The following TMCO6 variants were observed in gnomAD, a reference collection of about 807,000 sequenced individuals.
TMCO6 encodes transmembrane and coiled-coil domains 6.
Under a neutral mutation model 61.8 loss-of-function variants are expected in TMCO6, and 47 were observed. That is an observed-to-expected ratio of 0.76 (90% CI 0.60 to 0.97). TMCO6 has a LOEUF of 0.97. Ranked by LOEUF, TMCO6 falls within the 50% of genes least tolerant of loss-of-function variation. TMCO6 has a pLI of 0.00. For missense variants in TMCO6, 557 were observed against 601.6 expected (o/e 0.93, Z 0.78); for synonymous variants, 261 against 254.2 (o/e 1.03, Z -0.25).
upstream of TMCO6, among the ~76,000 whole-genome samples, chr5:140,636,590 C>G (rs1458847048): frequency 6.6e-6 from 1 of 151,854 alleles, no homozygotes; most frequent in Non-Finnish European, 1.5e-5. Flanking sequence ...AGGAAGGGCT[C>G]AAGATCCAGG....
At chr5:140,615,306 A>T in the TMCO6 span, among the ~76,000 whole-genome samples, 1 of 152,252 alleles carries the variant, frequency 6.6e-6, no homozygotes, top group Admixed American at 6.5e-5. Flanking sequence ...AGATACAAAT[A>T]AACAGAAAGT....
At chr5:140,624,273 G>T in the TMCO6 span, among the ~76,000 whole-genome samples, 1 of 152,074 alleles carries the variant, frequency 6.6e-6, no homozygotes, top group African/African-American at 2.4e-5. Context: ...GCTGAAGCAG[G>T]AGAATCACTT....
At chr5:140,647,562 GACT>G (rs769452041), downstream of TMCO6, 15 of 1,611,068 alleles carry the variant, frequency 9.3e-6, no homozygotes, top group East Asian at 2.5e-4. Flanking sequence ...CCGACTCCTC[GACT>G]TGCTGCGGCC....
intron 1 of TMCO6, 56 bp downstream of exon 1, chr5:140,639,668 C>T: frequency 1.9e-6 from 3 of 1,543,342 alleles, no homozygotes; most frequent in African/African-American, 1.4e-5. Flanking sequence ...AAGTTGAGAC[C>T]CCAGGCTCGG....
the TMCO6 span, among the ~76,000 whole-genome samples, chr5:140,601,375 G>A: frequency 3.3e-5 from 5 of 152,080 alleles, no homozygotes; most frequent in East Asian, 3.9e-4. Context: ...TTTGGTTATG[G>A]GACTATTGCC....
the TMCO6 span, chr5:140,632,729 C>T: frequency 1.9e-6 from 3 of 1,613,642 alleles, no homozygotes; most frequent in African/African-American, 2.7e-5. This position sits in a 1 kb window ranked among gnomAD's most constrained non-coding sequence, Gnocchi z 6.2. Context: ...GAGCCTTGAC[C>T]GTGTCAGCAT....
the TMCO6 span, among the ~76,000 whole-genome samples, chr5:140,618,716 T>C: frequency 6.6e-6 from 1 of 152,184 alleles, no homozygotes; most frequent in Admixed American, 6.5e-5. Flanking sequence ...TCTTATCATT[T>C]AGCTCCCAGA....
the TMCO6 span, chr5:140,632,138 A>C: frequency 2.5e-6 from 4 of 1,614,088 alleles, no homozygotes; most frequent in Non-Finnish European, 3.4e-6. The surrounding 1 kb of genome is among the most constrained non-coding windows in gnomAD (Gnocchi z 6.2). Flanking sequence ...CGAACGACAG[A>C]TTGAGGGAGT....
chr5:140,606,247 C>A, the TMCO6 span, among the ~76,000 whole-genome samples: 5 of 151,144 alleles, frequency 3.3e-5, no homozygotes, highest in Non-Finnish European at 5.9e-5. Context: ...CTCCTGGGCT[C>A]AAGCACTCCT....
At chr5:140,618,497 T>C in the TMCO6 span, among the ~76,000 whole-genome samples, 1 of 152,258 alleles carries the variant, frequency 6.6e-6, no homozygotes, top group Middle Eastern at 3.4e-3. Context: ...TTTCTTTTTT[T>C]TTTAACTTTT....
downstream of TMCO6, among the ~76,000 whole-genome samples, chr5:140,646,748 A>T (rs554199915): frequency 1.2e-3 from 188 of 152,350 alleles, no homozygotes; most frequent in African/African-American, 4.4e-3. Context: ...AGCTGCATCT[A>T]AAGTTGCAGC....
At chr5:140,609,321 C>CA in the TMCO6 span, 1 of 228,370 alleles carries the variant, frequency 4.4e-6, no homozygotes, top group Non-Finnish European at 9.2e-6. Context: ...AGGGTGGGGA[C>CA]ACACATCTGT....
At chr5:140,606,989 TAA>T in the TMCO6 span, among the ~76,000 whole-genome samples, 1,301 of 133,620 alleles carry the variant, frequency 9.7e-3, 20 homozygotes, top group African/African-American at 0.034. Flanking sequence ...GTTTAAAAAG[TAA>T]AAAAAAAAAA....
chr5:140,618,240 A>T, the TMCO6 span, among the ~76,000 whole-genome samples: 1 of 151,624 alleles, frequency 6.6e-6, no homozygotes, highest in South Asian at 2.1e-4. Context: ...AACCAGCCTG[A>T]CCAACATGGC....
Position 140,642,507 on chromosome 5 carries a change from C to T in TMCO6, c.604-79C>T, listed in dbSNP as rs979575302. ...TTTGGTTAGGTAGCTCCAGCCTCTG[C>T]CCTGTGCCAAGGGGCTGAAAGTCTC... On this transcript the variant is annotated intron_variant, in intron 5 of 11. Transcript: ENST00000394671. 5.6e-6 allele frequency: 9 copies of T among 1,599,328 alleles called. No individual in the cohort carries two copies. The African/African-American group carries it at 6.7e-5, about 12-fold the overall frequency.
At chr5:140,609,684 T>C in the TMCO6 span, among the ~76,000 whole-genome samples, 1 of 151,246 alleles carries the variant, frequency 6.6e-6, no homozygotes, top group African/African-American at 2.4e-5. Context: ...GTAGGTGAAT[T>C]AGGGGAGAAT....
At chr5:140,605,738 CA>C in the TMCO6 span, among the ~76,000 whole-genome samples, 124 of 38,124 alleles carry the variant, frequency 3.3e-3, no homozygotes, top group African/African-American at 8.7e-3. Context: ...CACACACACA[CA>C]AAGAAAGAAG....
chr5:140,597,402 C>T, the TMCO6 span, among the ~76,000 whole-genome samples: 1 of 152,064 alleles, frequency 6.6e-6, no homozygotes. Context: ...ACAGAAAGGC[C>T]ACCCAGGTGT....
chr5:140,643,754 C>T (rs1757197500), intron 8 of TMCO6, 26 bp from the exon 9 acceptor site: 2 of 1,611,432 alleles, frequency 1.2e-6, no homozygotes, highest in Non-Finnish European at 8.5e-7. Context: ...CCTTCTTACA[C>T]CTGACCCCCC....
Sources: gnomAD v4.1 joint callset for allele counts (sites outside exome capture counted in the v4.1 genomes callset) on GRCh38, gnomAD v4.1.1 for gene constraint, Gnocchi (gnomAD v3.1) non-coding constraint, MANE v1.5 for transcripts, NCBI Gene and HGNC (gene_info 2026-07-23, HGNC 2026-07-21) for gene names.